The following INPP4B variants were observed in gnomAD, a reference collection of about 807,000 sequenced individuals.
INPP4B encodes inositol polyphosphate 4-phosphatase type II.
INPP4B carries 55 observed loss-of-function variants against 122.5 expected under a neutral mutation model. The ratio of observed to expected loss-of-function variants is 0.45; its 90% confidence interval spans 0.36 to 0.56. The LOEUF (loss-of-function observed/expected upper bound fraction) is 0.56, where lower values mean the gene tolerates loss of function less well. Among genes scored for constraint, INPP4B ranks in the 20% least tolerant of loss-of-function variants. The pLI is 0.00. For missense variants in INPP4B, 1,000 were observed against 1,097.7 expected, an observed-to-expected ratio of 0.91 and a Z score of 1.26; for synonymous variants, 403 against 388.7, an observed-to-expected ratio of 1.04 and a Z score of -0.43.
At chr4:142,381,799 C>T (rs1395632280) in intron 7 of INPP4B, among the ~76,000 whole-genome samples, 1 of 151,860 alleles carries the variant, frequency 6.6e-6, no homozygotes, top group Non-Finnish European at 1.5e-5. Flanking sequence ...TCTTAAATAA[C>T]CCGTTCTTTA....
In INPP4B at chr4:142,836,719, TAC is replaced by T. The variant is rs138777384; in HGVS notation, c.-254+9488_-254+9489del. On this transcript the variant is annotated intron_variant, in intron 1 of 25. Coordinates refer to ENST00000262992, the MANE Select transcript of INPP4B (RefSeq NM_001101669.3). ...TTTAGGTAAATGAAAAAGTACTGTC[TAC>T]ACACACACACACACACACACACACA... 4.4e-3 allele frequency among the ~76,000 whole-genome samples: 643 copies of T among 146,356 alleles called. 1 individual carries two copies. Among genetic ancestry groups the T allele is most frequent in the African/African-American group, 0.014 (544 of 39,870 alleles).
At chr4:142,717,696 C>T (rs539430008) in intron 2 of INPP4B, among the ~76,000 whole-genome samples, 1 of 152,014 alleles carries the variant, frequency 6.6e-6, no homozygotes, top group South Asian at 2.1e-4. Flanking sequence ...GCAATGAGAA[C>T]ACTTGGACAC....
intron 8 of INPP4B, among the ~76,000 whole-genome samples, chr4:142,313,892 C>T (rs929261032): frequency 6.6e-6 from 1 of 152,132 alleles, no homozygotes; most frequent in African/African-American, 2.4e-5. Flanking sequence ...TTTTTGGAGT[C>T]CTTCCTTGGC....
At chr4:142,333,334 A>G (rs1775407880) in intron 7 of INPP4B, among the ~76,000 whole-genome samples, 1 of 152,230 alleles carries the variant, frequency 6.6e-6, no homozygotes, top group Non-Finnish European at 1.5e-5. Context: ...CTCATTTCAT[A>G]AAATCCTTAG....
intron 7 of INPP4B, among the ~76,000 whole-genome samples, chr4:142,379,793 C>G (rs969436737): frequency 1.3e-5 from 2 of 152,232 alleles, no homozygotes; most frequent in African/African-American, 4.8e-5. Flanking sequence ...CCATGCAAGA[C>G]ATGTGTCCTC....
intron 2 of INPP4B, among the ~76,000 whole-genome samples, chr4:142,520,719 TTC>T (rs1825970802): frequency 6.6e-6 from 1 of 151,970 alleles, no homozygotes; most frequent in Non-Finnish European, 1.5e-5. Context: ...GATGATATAA[TTC>T]TGAGAAATCT....
chr4:142,145,912 C>T lies in INPP4B; in HGVS notation c.1648G>A (p.Glu550Lys). The T allele has an allele frequency of 6.2e-7, 1 of 1,613,878 alleles. No individual in the cohort carries two copies. The highest frequency in any genetic ancestry group is 8.5e-7 in the Non-Finnish European group (1 of 1,179,830). Residue 550 changes from glutamate to lysine, a missense_variant, in exon 18 of 26, where the codon GAA becomes AAA. By Grantham distance (56) the Glu-to-Lys change is moderately conservative. Coordinates refer to ENST00000262992, the MANE Select transcript of INPP4B (RefSeq NM_001101669.3). ...CCATCATTGTTGCCGCCACTGCCTT[C>T]ACTGCCACCATCTCTTTCAATCAGT... ...DKLIERDGGS[E>K]GSGGNNDGEK... is the part of the protein sequence containing the mutation.
intron 15 of INPP4B, among the ~76,000 whole-genome samples, chr4:142,189,160 C>T (rs913867437): frequency 2.0e-5 from 3 of 152,114 alleles, no homozygotes; most frequent in Admixed American, 2.0e-4. Context: ...ACTGTGTAAC[C>T]ACTGATCTTA....
intron 25 of INPP4B, among the ~76,000 whole-genome samples, chr4:142,035,422 G>T (rs1213086726): frequency 1.3e-5 from 2 of 152,158 alleles, no homozygotes; most frequent in Non-Finnish European, 2.9e-5. Flanking sequence ...CTTTTAAAAT[G>T]TATTTCTCTA....
intron 2 of INPP4B, among the ~76,000 whole-genome samples, chr4:142,636,751 T>C (rs945211806): frequency 2.0e-5 from 3 of 152,144 alleles, no homozygotes; most frequent in African/African-American, 4.8e-5. Context: ...TATATTCACA[T>C]ACTTTAGTCC....
At chr4:142,100,572 G>A (rs1387995419) in intron 23 of INPP4B, among the ~76,000 whole-genome samples, 1 of 152,100 alleles carries the variant, frequency 6.6e-6, no homozygotes, top group Non-Finnish European at 1.5e-5. Flanking sequence ...TCTGAATACT[G>A]CCATTGAGAA....
chr4:142,439,600 A>T (rs1334629358), intron 3 of INPP4B, among the ~76,000 whole-genome samples: 1 of 152,238 alleles, frequency 6.6e-6, no homozygotes, highest in Non-Finnish European at 1.5e-5. Context: ...TGAGACATGA[A>T]CAAAAGAATG....
chr4:142,529,768 A>T (rs1827362081), intron 2 of INPP4B, among the ~76,000 whole-genome samples: 1 of 152,074 alleles, frequency 6.6e-6, no homozygotes, highest in Non-Finnish European at 1.5e-5. Context: ...GAATCTTAGC[A>T]GCTTGAGCAG....
chr4:142,121,225 G>GA (rs1406237924), intron 21 of INPP4B, among the ~76,000 whole-genome samples: 1 of 148,014 alleles, frequency 6.8e-6, no homozygotes, highest in Non-Finnish European at 1.5e-5. Context: ...CTGAGGATGT[G>GA]GGTTTTTTTG....
chr4:142,051,016 A>T (rs1578730251), intron 25 of INPP4B, among the ~76,000 whole-genome samples: 1 of 152,138 alleles, frequency 6.6e-6, no homozygotes, highest in East Asian at 1.9e-4. Context: ...TTCCCTAGGA[A>T]TTTTTTAAAA....
intron 2 of INPP4B, among the ~76,000 whole-genome samples, chr4:142,560,035 A>G (rs958292463): frequency 6.6e-6 from 1 of 152,234 alleles, no homozygotes; most frequent in Admixed American, 6.5e-5. Context: ...ATCACATCTC[A>G]GGACATCACA....
At chr4:142,179,854 G>A (rs780561832) in intron 15 of INPP4B, among the ~76,000 whole-genome samples, 9 of 151,914 alleles carry the variant, frequency 5.9e-5, no homozygotes, top group Non-Finnish European at 1.2e-4. Flanking sequence ...CTTTGATTTC[G>A]TTTGCCACCT....
At chr4:142,708,002 C>T (rs1263691477) in intron 2 of INPP4B, among the ~76,000 whole-genome samples, 1 of 152,270 alleles carries the variant, frequency 6.6e-6, no homozygotes, top group South Asian at 2.1e-4. Flanking sequence ...GAGATGAGAA[C>T]TTATTGGGAA....
intron 23 of INPP4B, among the ~76,000 whole-genome samples, chr4:142,102,035 C>T (rs1244276191): frequency 6.6e-6 from 1 of 151,994 alleles, no homozygotes; most frequent in African/African-American, 2.4e-5. Context: ...TCTGTGAAAT[C>T]CTCTCATGGG....
Sources: gnomAD v4.1 joint callset for allele counts (sites outside exome capture counted in the v4.1 genomes callset) on GRCh38, gnomAD v4.1.1 for gene constraint, MANE v1.5 for transcripts, NCBI Gene and HGNC (gene_info 2026-07-23, HGNC 2026-07-21) for gene names.